The following CDH13 variants were observed in gnomAD, a reference collection of about 807,000 sequenced individuals.
The protein encoded by CDH13 is cadherin 13.
Under a neutral mutation model 63.8 loss-of-function variants are expected in CDH13, and 24 were observed. The observed-to-expected ratio is 0.38, with a 90% confidence interval of 0.27 to 0.53. CDH13 has a LOEUF of 0.53. CDH13 is among the 20% of genes least tolerant of loss of function. The probability of loss-of-function intolerance (pLI) is 0.85; values close to 1 mark genes in which losing one functional copy is unlikely to be tolerated. For synonymous variants in CDH13, 503 were observed against 355.3 expected (o/e 1.42, Z -4.67); for missense variants, 1,049 against 903.1 (o/e 1.16, Z -2.07).
chr16:82,866,377 C>CTTTTTTTTTTTTTTTTTTTTTTTT (rs538206338), intron 2 of CDH13, among the ~76,000 whole-genome samples: 5 of 58,322 alleles, frequency 8.6e-5, no homozygotes, highest in Admixed American at 2.7e-4. Flanking sequence ...TTTTCTTCTT[C>CTTTTTTTTTTTTTTTTTTTTTTTT]TTTTTTTTTT....
At position 83,672,405 on chromosome 16, in the gene CDH13, TTC is replaced by T. The variant is rs1327382100; in HGVS notation, c.1284+1437_1284+1438del. Among the ~76,000 whole-genome samples the T allele has an allele frequency of 1.3e-3, 170 of 130,426 alleles. 2 individuals carry two copies. The highest frequency in any genetic ancestry group is 3.5e-3 in the Middle Eastern group (1 of 284). The allele number at this position is 130,426 out of a possible 152,430, so 85.6% of individuals were successfully genotyped here. A position where few individuals can be genotyped will look rare whatever the true frequency, so the allele number is the denominator to read the frequency against. ...AGATAGAGTGAGGCAGCTCTCTGGATTCTCTTTTTTTTTTTTTTTTTTTTTTT... is the reference window on the plus strand; with the variant it reads ...AGATAGAGTGAGGCAGCTCTCTGGATTCTTTTTTTTTTTTTTTTTTTTTTT... On this transcript the variant is annotated intron_variant, in intron 9 of 13. Transcript: ENST00000567109.
At chr16:82,733,793 C>G (rs1328915140) in intron 1 of CDH13, among the ~76,000 whole-genome samples, 2 of 152,210 alleles carry the variant, frequency 1.3e-5, no homozygotes, top group African/African-American at 2.4e-5. Flanking sequence ...AAACACACTA[C>G]TTAACACAAA....
intron 1 of CDH13, among the ~76,000 whole-genome samples, chr16:82,643,654 C>T (rs563219202): frequency 1.6e-4 from 24 of 152,324 alleles, no homozygotes; most frequent in African/African-American, 5.8e-4. Context: ...CATCTTTTGC[C>T]TCACTGGTTA....
intron 1 of CDH13, among the ~76,000 whole-genome samples, chr16:82,639,974 G>C (rs1458744040): frequency 6.6e-6 from 1 of 152,180 alleles, no homozygotes; most frequent in African/African-American, 2.4e-5. Flanking sequence ...TATTTACTGG[G>C]GGAAGACAAT....
intron 4 of CDH13, among the ~76,000 whole-genome samples, chr16:83,171,193 C>G (rs925905640): frequency 6.6e-6 from 1 of 152,092 alleles, no homozygotes; most frequent in Non-Finnish European, 1.5e-5. Flanking sequence ...GAAGCAGGCA[C>G]TTCTTCCTGG....
intron 8 of CDH13, among the ~76,000 whole-genome samples, chr16:83,650,389 T>G (rs72795368): frequency 0.032 from 4,915 of 152,304 alleles, 127 homozygotes; most frequent in Non-Finnish European, 0.05. Flanking sequence ...AATGTTACTA[T>G]GCTCTTCCAG....
chr16:83,148,336 T>C (rs1277532517), intron 4 of CDH13, among the ~76,000 whole-genome samples: 2 of 152,144 alleles, frequency 1.3e-5, no homozygotes, highest in East Asian at 3.9e-4. Flanking sequence ...ACAACATGGG[T>C]ACCATGTAGA....
At chr16:83,493,175 A>G (rs549156355) in intron 7 of CDH13, among the ~76,000 whole-genome samples, 1 of 152,236 alleles carries the variant, frequency 6.6e-6, no homozygotes, top group African/African-American at 2.4e-5. Flanking sequence ...ATACTTATCT[A>G]TAAGCACTCT....
At chr16:82,920,876 A>T (rs2042133106) in intron 2 of CDH13, among the ~76,000 whole-genome samples, 1 of 152,202 alleles carries the variant, frequency 6.6e-6, no homozygotes, top group Admixed American at 6.5e-5. Flanking sequence ...GGCTTTTCAG[A>T]TGTGCTCTTT....
At chr16:82,959,720 A>G (rs926526051) in intron 2 of CDH13, among the ~76,000 whole-genome samples, 5 of 152,218 alleles carry the variant, frequency 3.3e-5, no homozygotes, top group African/African-American at 1.2e-4. Context: ...TGTTTGCCAT[A>G]TAAGTTTATA....
chr16:83,034,160 C>T (rs1018777830), intron 3 of CDH13, among the ~76,000 whole-genome samples: 5 of 152,018 alleles, frequency 3.3e-5, no homozygotes, highest in Non-Finnish European at 5.9e-5. Flanking sequence ...CATGTGCCAC[C>T]CTACTGTCAC....
chr16:83,053,992 C>CT (rs1216831848), intron 3 of CDH13, among the ~76,000 whole-genome samples: 1 of 152,140 alleles, frequency 6.6e-6, no homozygotes, highest in African/African-American at 2.4e-5. Context: ...TTTTACTGTA[C>CT]TTTTTGTGTT....
intron 3 of CDH13, among the ~76,000 whole-genome samples, chr16:83,086,441 A>T (rs1384738604): frequency 6.6e-6 from 1 of 152,138 alleles, no homozygotes; most frequent in African/African-American, 2.4e-5. Context: ...CATTAGGGTG[A>T]CGATGGTTGT....
At chr16:83,134,546 A>G (rs796106128) in intron 4 of CDH13, among the ~76,000 whole-genome samples, 81 of 13,746 alleles carry the variant, frequency 5.9e-3, no homozygotes, top group East Asian at 8.5e-3. Flanking sequence ...GGGTGGGGGG[A>G]GAGAGAGAGA....
intron 5 of CDH13, among the ~76,000 whole-genome samples, chr16:83,249,581 G>A (rs894660624): frequency 6.6e-6 from 1 of 152,164 alleles, no homozygotes; most frequent in African/African-American, 2.4e-5. Context: ...TACAGGTAAG[G>A]CAAATGGGCA....
intron 2 of CDH13, among the ~76,000 whole-genome samples, chr16:82,971,317 C>G (rs1183222802): frequency 6.6e-6 from 1 of 152,184 alleles, no homozygotes; most frequent in Non-Finnish European, 1.5e-5. Flanking sequence ...CACTGTCACT[C>G]TCATTCCTGT....
chr16:82,930,132 C>T (rs576413134), intron 2 of CDH13, among the ~76,000 whole-genome samples: 257 of 146,474 alleles, frequency 1.8e-3, no homozygotes, highest in African/African-American at 6.1e-3. Flanking sequence ...ACAACCTCTG[C>T]CTCCCAATAT....
At chr16:83,485,867 A>T (rs2073875056) in intron 6 of CDH13, among the ~76,000 whole-genome samples, 1 of 152,144 alleles carries the variant, frequency 6.6e-6, no homozygotes. Context: ...AATGAAGGCC[A>T]TGGCTAGATG....
At chr16:82,641,810 T>A (rs1211471021) in intron 1 of CDH13, among the ~76,000 whole-genome samples, 1 of 152,204 alleles carries the variant, frequency 6.6e-6, no homozygotes, top group African/African-American at 2.4e-5. Context: ...GCCAAGTCCC[T>A]GCTCTGGTGA....
Sources: allele counts gnomAD v4.1 joint callset (sites outside exome capture counted in the v4.1 genomes callset), GRCh38; gene constraint gnomAD v4.1.1; transcripts MANE v1.5; gene names NCBI Gene and HGNC (gene_info 2026-07-23, HGNC 2026-07-21).